The following NRXN1 variants were observed in gnomAD, a reference collection of about 807,000 sequenced individuals.
The protein encoded by NRXN1 is neurexin-1.
A neutral mutation model predicts 150.9 loss-of-function variants in NRXN1; 39 were observed. That is an observed-to-expected ratio of 0.26 (90% confidence interval 0.20 to 0.34). The LOEUF (loss-of-function observed/expected upper bound fraction) is 0.34, where lower values mean the gene tolerates loss of function less well. Among genes scored for constraint, NRXN1 ranks in the 10% least tolerant of loss-of-function variants. The pLI is 1.00. For missense variants in NRXN1, 1,815 were observed against 1,949.9 expected, an observed-to-expected ratio of 0.93 and a Z score of 1.30; for synonymous variants, 924 against 757.0, an observed-to-expected ratio of 1.22 and a Z score of -3.62.
intron 17 of NRXN1, among the ~76,000 whole-genome samples, chr2:50,442,481 A>AT: frequency 6.6e-6 from 1 of 152,250 alleles, no homozygotes. Flanking sequence ...CTGAGGCACC[A>AT]TTTTCTAAAA....
intron 17 of NRXN1, among the ~76,000 whole-genome samples, chr2:50,313,589 G>T (rs1198450200): frequency 3.3e-5 from 5 of 152,044 alleles, no homozygotes; most frequent in African/African-American, 1.2e-4. Flanking sequence ...ATCTGGGCAG[G>T]TATAACAGGA....
At chr2:50,521,070 T>A (rs2092775379) in intron 12 of NRXN1, among the ~76,000 whole-genome samples, 1 of 152,148 alleles carries the variant, frequency 6.6e-6, no homozygotes, top group African/African-American at 2.4e-5. Flanking sequence ...AGTTCATACT[T>A]ATTTACACTG....
At chr2:50,292,206 T>C (rs933503805) in intron 17 of NRXN1, among the ~76,000 whole-genome samples, 3 of 152,148 alleles carry the variant, frequency 2.0e-5, no homozygotes, top group Non-Finnish European at 4.4e-5. Context: ...AAGAATAATA[T>C]TTTGTGACAT....
At chr2:50,163,596 T>C (rs1359033487) in intron 18 of NRXN1, among the ~76,000 whole-genome samples, 1 of 152,166 alleles carries the variant, frequency 6.6e-6, no homozygotes, top group East Asian at 1.9e-4. Context: ...GTTTTTACAG[T>C]TAAGGATTGA....
chr2:50,231,941 C>T (rs1453237672), intron 18 of NRXN1, among the ~76,000 whole-genome samples: 1 of 152,106 alleles, frequency 6.6e-6, no homozygotes, highest in East Asian at 1.9e-4. Context: ...AAATAATCCT[C>T]AACACATCGT....
rs149485750 is a variant in NRXN1, at chr2:50,575,016, C to A, written c.1321-21991G>T. Among the ~76,000 whole-genome samples, 3 of 152,302 alleles carry A rather than the reference C, an allele frequency of 2.0e-5. No individual in the cohort carries two copies. The East Asian group carries it at 5.8e-4, about 29-fold the overall frequency. ...ACTGGGATGTATTAGAGCAATGTAT[C>A]ACCAAAACACTTAACTTACAGGATG... On this transcript the variant is annotated intron_variant, in intron 8 of 22. Coordinates refer to ENST00000401669, the MANE Select transcript of NRXN1 (RefSeq NM_001330078.2).
intron 5 of NRXN1, among the ~76,000 whole-genome samples, chr2:50,655,365 T>C (rs1435998328): frequency 2.0e-5 from 3 of 152,050 alleles, no homozygotes; most frequent in African/African-American, 7.2e-5. Context: ...TTCAAGGCCA[T>C]TGCTTCTGGA....
At chr2:50,569,878 T>G (rs566271457) in intron 8 of NRXN1, among the ~76,000 whole-genome samples, 1 of 152,192 alleles carries the variant, frequency 6.6e-6, no homozygotes, top group East Asian at 1.9e-4. Flanking sequence ...CTCTCCACAT[T>G]AAGTAGCATT....
At chr2:50,864,926 A>C (rs1398269094) in intron 5 of NRXN1, among the ~76,000 whole-genome samples, 2 of 152,002 alleles carry the variant, frequency 1.3e-5, no homozygotes, top group African/African-American at 2.4e-5. Context: ...ACAAGTTCTC[A>C]GGGAAGGTCG....
chr2:50,002,181 A>G (rs899383977), intron 21 of NRXN1, among the ~76,000 whole-genome samples: 3 of 152,124 alleles, frequency 2.0e-5, no homozygotes, highest in African/African-American at 7.2e-5. Flanking sequence ...GTCAGACCAC[A>G]TGAACTGTGA....
chr2:50,522,416 A>G (rs1381980306), intron 12 of NRXN1, among the ~76,000 whole-genome samples: 1 of 152,232 alleles, frequency 6.6e-6, no homozygotes, highest in East Asian at 1.9e-4. Context: ...TGCAGTATCA[A>G]TAATGCTTAA....
At chr2:51,008,326 G>A (rs567052661) in intron 2 of NRXN1, among the ~76,000 whole-genome samples, 1 of 152,012 alleles carries the variant, frequency 6.6e-6, no homozygotes, top group Admixed American at 6.6e-5. Flanking sequence ...ACCTGCCTGA[G>A]CTATTCTGAA....
At chr2:50,806,200 T>C (rs759674304) in intron 5 of NRXN1, among the ~76,000 whole-genome samples, 1 of 152,238 alleles carries the variant, frequency 6.6e-6, no homozygotes, top group Non-Finnish European at 1.5e-5. Context: ...CCTCAAATAA[T>C]GTCAAAGTAA....
chr2:50,828,295 G>A lies in NRXN1; in HGVS notation c.832+93574C>T, dbSNP rs544094426. 7.2e-4 allele frequency among the ~76,000 whole-genome samples: 62 copies of A among 86,232 alleles called. 2 individuals are homozygous for A. The East Asian group carries it at 0.014, about 19-fold the overall frequency. The allele number at this position is 86,232 out of a possible 152,430, so 56.6% of individuals were successfully genotyped here. On this transcript the variant is annotated intron_variant, in intron 5 of 22. Coordinates refer to ENST00000401669, the MANE Select transcript of NRXN1 (RefSeq NM_001330078.2). ...GGCTGACCCCCCCCACCTCCCTCCC[G>A]GACGGGGCGGCTGGCCGGGAGGGGG...
Position 50,465,422 on chromosome 2 carries a change from A to G in NRXN1, c.3364+20T>C, listed in dbSNP as rs3213756. The stretch of plus-strand genomic sequence containing the variant: ...TGGAAGCAACGATGAGTATCAGTCC[A>G]TACTCAGAGAGGTACTTACGGTCAT... On this transcript the variant is annotated intron_variant, in intron 17 of 22. Coordinates refer to ENST00000401669, the MANE Select transcript of NRXN1 (RefSeq NM_001330078.2). The G allele has an allele frequency of 0.31, 489,651 of 1,594,926 alleles. 78,421 individuals carry two copies. The highest frequency in any genetic ancestry group is 0.46 in the South Asian group (40,943 of 88,136).
chr2:50,475,778 A>G (rs1392276507), intron 15 of NRXN1, among the ~76,000 whole-genome samples: 1 of 152,044 alleles, frequency 6.6e-6, no homozygotes, highest in African/African-American at 2.4e-5. Flanking sequence ...CCACATGAAG[A>G]GAACAAAGAA....
chr2:50,875,839 C>G (rs928028536), intron 5 of NRXN1, among the ~76,000 whole-genome samples: 1 of 151,812 alleles, frequency 6.6e-6, no homozygotes, highest in Non-Finnish European at 1.5e-5. Context: ...GATCTCATCT[C>G]AGGCTTATAG....
intron 18 of NRXN1, among the ~76,000 whole-genome samples, chr2:50,107,539 A>ATATATATATAT (rs59921941): frequency 0.011 from 1,422 of 129,744 alleles, 9 homozygotes; most frequent in Middle Eastern, 0.018. Context: ...ATATATATAT[A>ATATATATATAT]TTTTTTTTTT....
intron 2 of NRXN1, among the ~76,000 whole-genome samples, chr2:50,945,447 G>A (rs1212323121): frequency 6.6e-6 from 1 of 152,026 alleles, no homozygotes; most frequent in Non-Finnish European, 1.5e-5. Context: ...CTGGGTGACA[G>A]AGTGAGACAC....
Sources: gnomAD v4.1 joint callset for allele counts (sites outside exome capture counted in the v4.1 genomes callset) on GRCh38, gnomAD v4.1.1 for gene constraint, MANE v1.5 for transcripts, NCBI Gene and HGNC (gene_info 2026-07-23, HGNC 2026-07-21) for gene names.